Variants in JHY observed in about 807,000 individuals in gnomAD.
JHY encodes the protein junctional cadherin complex regulator.
Under a neutral mutation model 78.0 loss-of-function variants are expected in JHY, and 69 were observed. The ratio of observed to expected loss-of-function variants is 0.88; its 90% confidence interval spans 0.73 to 1.08. The LOEUF is 1.08. JHY is among the 50% of genes least tolerant of loss of function. JHY has a pLI of 0.00. For synonymous variants in JHY, 368 were observed against 342.6 expected (o/e 1.07, Z -0.82); for missense variants, 944 against 927.8 (o/e 1.02, Z -0.23).
chr11:122,938,421 G>A (rs1319312060), intron 5 of JHY, among the ~76,000 whole-genome samples: 1 of 151,866 alleles, frequency 6.6e-6, no homozygotes, highest in African/African-American at 2.4e-5. Context: ...TGTTGTTTCT[G>A]TTATTGGTTT....
chr11:122,912,538 C>A (rs920341684), intron 3 of JHY, among the ~76,000 whole-genome samples: 1 of 152,120 alleles, frequency 6.6e-6, no homozygotes, highest in Non-Finnish European at 1.5e-5. Flanking sequence ...TAAATCCTGG[C>A]TCTTCAGCAT....
Position 122,883,772 on chromosome 11 carries a change from G to A in JHY, c.-90+800G>A, listed in dbSNP as rs1474990383. Among the ~76,000 whole-genome samples the A allele has an allele frequency of 6.6e-6, 1 of 152,168 alleles. No individual in the cohort carries two copies. The highest frequency in any genetic ancestry group is 1.5e-5 in the Non-Finnish European group (1 of 68,036). On this transcript the variant is annotated intron_variant, in intron 1 of 8. Transcript: ENST00000227349. The surrounding 1 kb of genome is among the most constrained non-coding windows in gnomAD (Gnocchi z 4.4). ...TCTTTGCATACTTTAGCAAACTTCA[G>A]GAATCTGCTAACATCAGCAAAATTA...
In JHY at chr11:122,903,823, A is replaced by G. The variant is rs144428818; in HGVS notation, c.345-102A>G. The G allele has an allele frequency of 1.9e-4, 274 of 1,426,758 alleles. No homozygotes were observed. In the African/African-American group the frequency reaches 3.4e-3, roughly 18 times the overall value. The allele number at this position is 1,426,758 out of a possible 1,614,324, so 88.4% of individuals were successfully genotyped here. A position where few individuals can be genotyped will look rare whatever the true frequency, so the allele number is the denominator to read the frequency against. ...ATACAGATAATAAAAGGAAAACTAT[A>G]GGAGAAAGACTGAGATTGATTTCAA... is the stretch of plus-strand genomic sequence containing the variant. On this transcript the variant is annotated intron_variant, in intron 2 of 8. Transcript: ENST00000227349.
In JHY at chr11:122,934,801, T is replaced by C. The variant is rs746905285; in HGVS notation, c.1360T>C (p.Ser454Pro). ...AAAACAGGCTTTTGACAAGGTCTTA[T>C]CTAAAAACTCTACTGGATGTGACTC... ...PPKQAFDKVL[S>P]KNSTGCDSGL... Residue 454 changes from serine (S) to proline (P), a missense_variant, in exon 5 of 9, where the codon TCT becomes CCT. Coordinates refer to ENST00000227349, the MANE Select transcript of JHY (RefSeq NM_024806.4). The C allele has an allele frequency of 1.9e-6, 3 of 1,614,134 alleles. No individual in the cohort carries two copies. The highest frequency in any genetic ancestry group is 1.7e-6 in the Non-Finnish European group (2 of 1,180,040).
chr11:122,948,616 G>A (rs532630825), intron 6 of JHY, among the ~76,000 whole-genome samples: 16 of 151,612 alleles, frequency 1.1e-4, no homozygotes, highest in Admixed American at 9.8e-4. Flanking sequence ...AATGTTGCAA[G>A]CAAAAAACAA....
intron 2 of JHY, among the ~76,000 whole-genome samples, 173 bp from the exon 3 acceptor site, chr11:122,903,752 G>A (rs1862912441): frequency 6.6e-6 from 1 of 152,124 alleles, no homozygotes; most frequent in African/African-American, 2.4e-5. Context: ...AAAGTGTTGG[G>A]ATTACAGGTA....
intron 2 of JHY, among the ~76,000 whole-genome samples, chr11:122,899,686 A>G (rs1381023034): frequency 6.6e-6 from 1 of 152,252 alleles, no homozygotes; most frequent in East Asian, 1.9e-4. Flanking sequence ...TAGTGAGGAG[A>G]CAAGATTATC....
intron 3 of JHY, among the ~76,000 whole-genome samples, chr11:122,909,169 G>A (rs941092273): frequency 6.6e-5 from 10 of 152,094 alleles, no homozygotes; most frequent in South Asian, 4.1e-4. Flanking sequence ...ATACTATAAC[G>A]GGATTCCATT....
At position 122,935,226 on chromosome 11, in the gene JHY, C is replaced by T; in HGVS notation, c.1634+151C>T. 3.2e-6 allele frequency: 2 copies of T among 632,960 alleles called. No individual in the cohort carries two copies. The highest frequency in any genetic ancestry group is 3.4e-5 in the South Asian group (1 of 29,236). The allele number at this position is 632,960 out of a possible 1,614,324, so 39.2% of individuals were successfully genotyped here. A position where few individuals can be genotyped will look rare whatever the true frequency, so the allele number is the denominator to read the frequency against. ...ACAACTTCCTTAGCTCTGATTCCTG[C>T]CTCAAAGAGTCCACTTTTTTTTTTT... On this transcript the variant is annotated intron_variant, in intron 5 of 8. Transcript: ENST00000227349. This position sits in a 1 kb window ranked among gnomAD's most constrained non-coding sequence, Gnocchi z 4.5.
At chr11:122,952,837 A>G (rs1332670847) in intron 6 of JHY, among the ~76,000 whole-genome samples, 3 of 152,166 alleles carry the variant, frequency 2.0e-5, no homozygotes, top group Non-Finnish European at 4.4e-5. Flanking sequence ...CCTTTTAATC[A>G]TTGGTTTACT....
At chr11:122,953,114 G>A (rs1008078531) in intron 6 of JHY, among the ~76,000 whole-genome samples, 21 of 152,152 alleles carry the variant, frequency 1.4e-4, no homozygotes, top group Admixed American at 5.9e-4. Flanking sequence ...GGCTATTAAC[G>A]TATCTCAAAG....
At chr11:122,946,250 G>GT (rs979641204) in intron 5 of JHY, among the ~76,000 whole-genome samples, 3 of 151,968 alleles carry the variant, frequency 2.0e-5, no homozygotes, top group African/African-American at 7.3e-5. Flanking sequence ...TCAAAATGGT[G>GT]TTTTTTCTAT....
At chr11:122,929,246 T>TG (rs539896303) in intron 4 of JHY, among the ~76,000 whole-genome samples, 35 of 151,922 alleles carry the variant, frequency 2.3e-4, no homozygotes, top group African/African-American at 7.3e-4. Flanking sequence ...TTTTGTTTTT[T>TG]TTTTTTTTTA....
chr11:122,934,369 G>T (rs1226988039), intron 4 of JHY, 51 bp from the exon 5 acceptor site: 1 of 938,296 alleles, frequency 1.1e-6, no homozygotes, highest in African/African-American at 1.7e-5. Flanking sequence ...AATAAAATTT[G>T]TGAAGAGTGC....
intron 6 of JHY, among the ~76,000 whole-genome samples, chr11:122,951,300 A>G (rs1461505): frequency 0.99 from 150,315 of 152,300 alleles, 74,183 homozygotes; most frequent in Middle Eastern, 1. Context: ...GATGGCAAAC[A>G]GTATAAAAAT....
intron 3 of JHY, among the ~76,000 whole-genome samples, chr11:122,919,732 A>G (rs901534500): frequency 1.3e-5 from 2 of 152,190 alleles, no homozygotes; most frequent in South Asian, 4.1e-4. Flanking sequence ...TAATCCCAGC[A>G]CTTTGGGAGG....
At chr11:122,929,792 A>C (rs1433540436) in intron 4 of JHY, among the ~76,000 whole-genome samples, 3 of 152,234 alleles carry the variant, frequency 2.0e-5, no homozygotes, top group Non-Finnish European at 4.4e-5. Context: ...AATGTGACCA[A>C]ATGTTTAAAA....
At chr11:122,905,119 T>C (rs1478323714) in intron 3 of JHY, 8 of 1,276,498 alleles carry the variant, frequency 6.3e-6, no homozygotes, top group African/African-American at 1.5e-5. Context: ...TAAACATTAG[T>C]CTCTTTATTT....
intron 3 of JHY, among the ~76,000 whole-genome samples, chr11:122,914,884 A>C (rs1313858133): frequency 2.6e-4 from 39 of 152,146 alleles, no homozygotes; most frequent in Admixed American, 2.6e-3. Flanking sequence ...CTTACTTATG[A>C]CAGCATAATT....
Sources: gnomAD v4.1 joint callset for allele counts (sites outside exome capture counted in the v4.1 genomes callset) on GRCh38, gnomAD v4.1.1 for gene constraint, Gnocchi (gnomAD v3.1) non-coding constraint, MANE v1.5 for transcripts, NCBI Gene and HGNC (gene_info 2026-07-23, HGNC 2026-07-21) for gene names.